The following YAP1 variants were observed in gnomAD, a reference collection of about 807,000 sequenced individuals.
YAP1 encodes transcriptional coactivator YAP1.
Under a neutral mutation model 56.9 loss-of-function variants are expected in YAP1, and 5 were observed. That is an observed-to-expected ratio of 0.09 (90% CI 0.05 to 0.18). The LOEUF (loss-of-function observed/expected upper bound fraction) is 0.18, where lower values mean the gene tolerates loss of function less well. YAP1 is among the 10% of genes least tolerant of loss of function. YAP1 has a pLI of 1.00. For missense variants in YAP1, 539 were observed against 651.8 expected, an observed-to-expected ratio of 0.83 and a Z score of 1.88; for synonymous variants, 265 against 248.1, an observed-to-expected ratio of 1.07 and a Z score of -0.64.
At chr11:102,227,405 A>G in intron 7 of YAP1, 64 bp from the exon 8 acceptor site, 1 of 1,162,342 alleles carries the variant, frequency 8.6e-7, no homozygotes. Context: ...GCAGGTGTTT[A>G]TTTTTACCTT....
At chr11:102,145,876 C>T (rs987355552) in intron 2 of YAP1, among the ~76,000 whole-genome samples, 2 of 152,148 alleles carry the variant, frequency 1.3e-5, no homozygotes, top group African/African-American at 4.8e-5. Flanking sequence ...CCAGTATTTG[C>T]AGTGTTTTGA....
At chr11:102,134,179 G>A (rs895013474) in intron 2 of YAP1, among the ~76,000 whole-genome samples, 1 of 152,138 alleles carries the variant, frequency 6.6e-6, no homozygotes, top group Admixed American at 6.5e-5. Flanking sequence ...GGACGTTTAT[G>A]TTTGAAAAAT....
At chr11:102,153,052 C>T (rs944039989) in intron 2 of YAP1, among the ~76,000 whole-genome samples, 4 of 152,214 alleles carry the variant, frequency 2.6e-5, no homozygotes, top group African/African-American at 4.8e-5. Context: ...TAGTGATCTA[C>T]GGCTGAAGTT....
rs1190742938 is a variant in YAP1, at chr11:102,162,532, A to G, written c.649A>G (p.Ser217Gly). Residue 217 changes from serine to glycine, a missense_variant, in exon 3 of 9, where the codon AGT becomes GGT. Ser to Gly is a moderately conservative substitution (Grantham distance 56). Transcript: ENST00000282441. ...CCAGATGAACGTCACAGCCCCCACC[A>G]GTCCACCAGTGCAGCAGAATATGAT... Reference protein sequence around the residue: ...LSQMNVTAPTSPPVQQNMMNS... With the variant: ...LSQMNVTAPTGPPVQQNMMNS... 3.7e-6 allele frequency: 6 copies of G among 1,614,096 alleles called. No individual in the cohort carries two copies. The highest frequency in any genetic ancestry group is 1.1e-5 in the South Asian group (1 of 91,086).
chr11:102,177,569 C>T (rs1367935328), intron 3 of YAP1, among the ~76,000 whole-genome samples: 4 of 150,830 alleles, frequency 2.7e-5, no homozygotes, highest in Non-Finnish European at 4.4e-5. Context: ...CCCAGCTACT[C>T]AGGAGGCTGA....
chr11:102,161,912 TG>T (rs1218262518), intron 2 of YAP1, among the ~76,000 whole-genome samples: 1 of 152,202 alleles, frequency 6.6e-6, no homozygotes, highest in Non-Finnish European at 1.5e-5. Flanking sequence ...TGTAAGAACA[TG>T]TTATTCAGGA....
At chr11:102,223,236 G>T (rs1447932819) in intron 6 of YAP1, among the ~76,000 whole-genome samples, 8 of 142,808 alleles carry the variant, frequency 5.6e-5, no homozygotes, top group South Asian at 2.2e-4. Context: ...GACAGAGTGA[G>T]ACTCCGTCTT....
rs1950172431 is a variant in YAP1, at chr11:102,225,945, T to G, written c.1164-1524T>G. Among the ~76,000 whole-genome samples, 3 of 152,216 alleles carry G rather than the reference T, an allele frequency of 2.0e-5. No homozygotes were observed. The South Asian group carries it at 6.2e-4, about 31-fold the overall frequency. ...GAGTGGGGCCTGTAGGAAGTGGGGT[T>G]CTGCAGGGAGCAGTTCCTCACCAGG... On this transcript the variant is annotated intron_variant, in intron 7 of 8. Transcript: ENST00000282441.
intron 3 of YAP1, among the ~76,000 whole-genome samples, chr11:102,185,711 C>T (rs887729361): frequency 1.3e-5 from 2 of 152,002 alleles, no homozygotes; most frequent in South Asian, 4.1e-4. Flanking sequence ...CAAGCTCTTC[C>T]GTGTCTTATG....
intron 2 of YAP1, among the ~76,000 whole-genome samples, chr11:102,151,859 T>G (rs1164913232): frequency 6.6e-6 from 1 of 152,126 alleles, no homozygotes; most frequent in African/African-American, 2.4e-5. Context: ...CAGGCATGGT[T>G]GAGTGACCAT....
At chr11:102,185,470 G>A (rs555018303) in intron 3 of YAP1, among the ~76,000 whole-genome samples, 3 of 152,044 alleles carry the variant, frequency 2.0e-5, no homozygotes, top group Middle Eastern at 3.4e-3. Context: ...AGCTTTGTTT[G>A]GACTGTAGCT....
chr11:102,206,516 T>C (rs1949128497), intron 5 of YAP1, among the ~76,000 whole-genome samples: 1 of 152,226 alleles, frequency 6.6e-6, no homozygotes, highest in Admixed American at 6.5e-5. Context: ...TACTTCGGTA[T>C]TACCGAATCT....
In YAP1 at chr11:102,205,875, TTTTTC is replaced by T. The variant is rs764935379; in HGVS notation, c.803-12_803-8del. On this transcript the variant is annotated splice_polypyrimidine_tract_variant and intron_variant, in intron 4 of 8. Coordinates refer to ENST00000282441, the MANE Select transcript of YAP1 (RefSeq NM_001130145.3). ...CACTAGTTTTTTAGGACAGATTTTT[TTTTTC>T]TTTTCATTTCAGCCATGAACCAGAG... The T allele has an allele frequency of 4.1e-6, 6 of 1,478,282 alleles. No homozygotes were observed. The highest frequency in any genetic ancestry group is 9.0e-7 in the Non-Finnish European group (1 of 1,109,240). 91.6% of individuals were successfully genotyped at this position (1,478,282 alleles called of 1,614,324 possible). A position where few individuals can be genotyped will look rare whatever the true frequency, so the allele number is the denominator to read the frequency against.
intron 4 of YAP1, among the ~76,000 whole-genome samples, chr11:102,200,999 G>A (rs1278416178): frequency 6.6e-6 from 1 of 152,162 alleles, no homozygotes; most frequent in Non-Finnish European, 1.5e-5. Context: ...CTGGGGTGGG[G>A]CGGTGGTGTA....
At chr11:102,176,442 T>C (rs1014038331) in intron 3 of YAP1, among the ~76,000 whole-genome samples, 12 of 152,144 alleles carry the variant, frequency 7.9e-5, no homozygotes, top group Non-Finnish European at 1.2e-4. Flanking sequence ...CACAAAGATA[T>C]GGCATAAGAA....
chr11:102,156,102 G>A (rs1178513076), intron 2 of YAP1, among the ~76,000 whole-genome samples: 1 of 152,092 alleles, frequency 6.6e-6, no homozygotes, highest in Non-Finnish European at 1.5e-5. Context: ...TACTGCCAAT[G>A]TCTGTAACCT....
chr11:102,204,229 GAAAA>G (rs781528022), intron 4 of YAP1, among the ~76,000 whole-genome samples: 3 of 116,008 alleles, frequency 2.6e-5, no homozygotes, highest in Non-Finnish European at 3.7e-5. Context: ...CAGAAAAGGG[GAAAA>G]AAAAAAAAAA....
chr11:102,202,825 G>T, intron 4 of YAP1, among the ~76,000 whole-genome samples: 1 of 152,128 alleles, frequency 6.6e-6, no homozygotes, highest in East Asian at 1.9e-4. Context: ...TCCTTATCAT[G>T]AAGACAGTCA....
intron 5 of YAP1, among the ~76,000 whole-genome samples, chr11:102,206,826 A>G (rs1448985919): frequency 6.6e-6 from 1 of 152,226 alleles, no homozygotes; most frequent in Non-Finnish European, 1.5e-5. Context: ...TGGGTGACAG[A>G]GTGAGATTCT....
Sources: gnomAD v4.1 joint callset for allele counts (sites outside exome capture counted in the v4.1 genomes callset) on GRCh38, gnomAD v4.1.1 for gene constraint, MANE v1.5 for transcripts, NCBI Gene and HGNC (gene_info 2026-07-23, HGNC 2026-07-21) for gene names.